AFG2A: variants seen among roughly 807,000 people sequenced by gnomAD.
AFG2A encodes AAA ATPase AFG2A.
chr4:123,294,478 T>G, the AFG2A span, among the ~76,000 whole-genome samples: 1 of 152,164 alleles, frequency 6.6e-6, no homozygotes, highest in Admixed American at 6.5e-5. Context: ...TAGACAGGAT[T>G]GTAATTTCTA....
the AFG2A span, among the ~76,000 whole-genome samples, chr4:122,999,749 C>T: frequency 2.6e-5 from 4 of 152,266 alleles, no homozygotes; most frequent in East Asian, 7.7e-4. Context: ...CATGATGCCT[C>T]CAGCTTTGTT....
At chr4:123,203,724 T>C in the AFG2A span, among the ~76,000 whole-genome samples, 2 of 152,254 alleles carry the variant, frequency 1.3e-5, no homozygotes, top group Non-Finnish European at 2.9e-5. Context: ...TACAAACTTT[T>C]ATGTGAACAT....
the AFG2A span, among the ~76,000 whole-genome samples, chr4:123,179,066 A>G: frequency 1.3e-5 from 2 of 152,212 alleles, no homozygotes; most frequent in Non-Finnish European, 2.9e-5. Context: ...TACGTTTTCT[A>G]CATCACCTAC....
chr4:123,224,251 T>C, the AFG2A span, among the ~76,000 whole-genome samples: 1 of 152,172 alleles, frequency 6.6e-6, no homozygotes, highest in African/African-American at 2.4e-5. Context: ...AGGGCACATG[T>C]GCACAACGTG....
chr4:123,188,132 GA>G, the AFG2A span, among the ~76,000 whole-genome samples: 1 of 151,758 alleles, frequency 6.6e-6, no homozygotes, highest in African/African-American at 2.4e-5. Flanking sequence ...TAAACATATG[GA>G]ACACATCTTA....
At chr4:122,940,282 C>G in the AFG2A span, among the ~76,000 whole-genome samples, 1 of 152,114 alleles carries the variant, frequency 6.6e-6, no homozygotes, top group Non-Finnish European at 1.5e-5. Flanking sequence ...TCCACATCCT[C>G]TCTAGCACCT....
the AFG2A span, among the ~76,000 whole-genome samples, chr4:123,146,675 CA>C: frequency 6.6e-6 from 1 of 152,138 alleles, no homozygotes; most frequent in Admixed American, 6.6e-5. Context: ...CACAGATTTC[CA>C]GGTGCTTTTT....
chr4:123,108,880 ATG>A, the AFG2A span, among the ~76,000 whole-genome samples: 1 of 152,062 alleles, frequency 6.6e-6, no homozygotes, highest in Non-Finnish European at 1.5e-5. Flanking sequence ...TTTTTTAAAT[ATG>A]TGTGTTTTTT....
the AFG2A span, among the ~76,000 whole-genome samples, chr4:123,263,590 A>G: frequency 9.0e-6 from 1 of 111,384 alleles, no homozygotes; most frequent in Admixed American, 1.0e-4. Flanking sequence ...AGATACAGAA[A>G]TGGCCAACAA....
the AFG2A span, among the ~76,000 whole-genome samples, chr4:123,198,138 G>A: frequency 6.6e-6 from 1 of 151,764 alleles, no homozygotes; most frequent in East Asian, 2.0e-4. Flanking sequence ...GCATGGTGGT[G>A]GGTGCCTGTA....
the AFG2A span, among the ~76,000 whole-genome samples, chr4:123,223,902 T>C: frequency 6.6e-6 from 1 of 152,228 alleles, no homozygotes; most frequent in South Asian, 2.1e-4. Context: ...TCCTTTGCCT[T>C]GCAGAAACTT....
At chr4:122,941,504 A>C in the AFG2A span, among the ~76,000 whole-genome samples, 1 of 152,398 alleles carries the variant, frequency 6.6e-6, no homozygotes, top group Non-Finnish European at 1.5e-5. Flanking sequence ...ACTTTGCTGA[A>C]GTTGCTTATC....
chr4:123,179,062 T>G, the AFG2A span, among the ~76,000 whole-genome samples: 1 of 152,238 alleles, frequency 6.6e-6, no homozygotes, highest in Non-Finnish European at 1.5e-5. Context: ...CATTTACGTT[T>G]TCTACATCAC....
At chr4:123,028,062 T>C in the AFG2A span, 2 of 770,500 alleles carry the variant, frequency 2.6e-6, no homozygotes, top group Admixed American at 3.0e-5. Flanking sequence ...TAAAGGATTT[T>C]CCTGATTCTT....
chr4:123,232,876 C>T, the AFG2A span, among the ~76,000 whole-genome samples: 2 of 152,020 alleles, frequency 1.3e-5, no homozygotes, highest in Admixed American at 1.3e-4. Context: ...TTAAAGCTAA[C>T]TGTCAATTCT....
At chr4:123,230,351 A>G in the AFG2A span, among the ~76,000 whole-genome samples, 2 of 152,008 alleles carry the variant, frequency 1.3e-5, no homozygotes, top group Non-Finnish European at 2.9e-5. Context: ...AGTAGATTTC[A>G]TCGCAAGAAA....
At chr4:123,012,336 C>A in the AFG2A span, among the ~76,000 whole-genome samples, 1 of 141,356 alleles carries the variant, frequency 7.1e-6, no homozygotes, top group Admixed American at 7.1e-5. Flanking sequence ...GGGGTGCTTG[C>A]CCCCCAGGAA....
At chr4:122,934,192 A>G in the AFG2A span, 4 of 1,614,184 alleles carry the variant, frequency 2.5e-6, no homozygotes, top group Non-Finnish European at 3.4e-6. Context: ...GGCAGATGGC[A>G]TGATATTGGG....
the AFG2A span, among the ~76,000 whole-genome samples, chr4:123,136,101 T>G: frequency 1.3e-5 from 2 of 152,244 alleles, no homozygotes; most frequent in Admixed American, 6.5e-5. Context: ...ACTAATAATT[T>G]AATCATTCTA....
Sources: gnomAD v4.1 joint callset for allele counts (sites outside exome capture counted in the v4.1 genomes callset) on GRCh38, gnomAD v4.1.1 for gene constraint, MANE v1.5 for transcripts, NCBI Gene and HGNC (gene_info 2026-07-23, HGNC 2026-07-21) for gene names.